SMAD1: variants seen among roughly 807,000 people sequenced by gnomAD.
SMAD1 encodes the protein SMAD family member 1, also known as MAD, mothers against decapentaplegic homolog 1.
SMAD1 carries 6 observed loss-of-function variants against 41.6 expected under a neutral mutation model. The ratio of observed to expected loss-of-function variants is 0.14; its 90% confidence interval spans 0.08 to 0.28. SMAD1 has a LOEUF of 0.28. Among genes scored for constraint, SMAD1 ranks in the 10% least tolerant of loss-of-function variants. SMAD1 has a pLI of 1.00. For synonymous variants in SMAD1, 206 were observed against 203.2 expected, an observed-to-expected ratio of 1.01 and a Z score of -0.12; for missense variants, 379 against 582.6, an observed-to-expected ratio of 0.65 and a Z score of 3.60.
chr4:145,538,388 T>C (rs1273293049), intron 2 of SMAD1, among the ~76,000 whole-genome samples: 1 of 152,186 alleles, frequency 6.6e-6, no homozygotes, highest in Non-Finnish European at 1.5e-5. Flanking sequence ...TATTATATAC[T>C]CAAAAGATTT....
At chr4:145,553,531 A>G (rs1217075171) in intron 5 of SMAD1, among the ~76,000 whole-genome samples, 1 of 152,062 alleles carries the variant, frequency 6.6e-6, no homozygotes, top group Non-Finnish European at 1.5e-5. Flanking sequence ...ATCTAACAGG[A>G]GGTGGAGCTC....
At chr4:145,496,829 C>A (rs917410563) in intron 1 of SMAD1, among the ~76,000 whole-genome samples, 4 of 152,168 alleles carry the variant, frequency 2.6e-5, no homozygotes, top group Non-Finnish European at 5.9e-5. Context: ...ACCACTTTCT[C>A]CCTTTGAAGT....
chr4:145,540,517 T>TAAA lies in SMAD1; in HGVS notation c.658+456_658+457insAAA, dbSNP rs1731864218. On this transcript the variant is annotated intron_variant, in intron 3 of 6. Coordinates refer to ENST00000302085, the MANE Select transcript of SMAD1 (RefSeq NM_005900.3). ...GATCCCACCCCCTACTTAATTAAAT[T>TAAA]CATTCAAATGATGATGTAATCCCAA... Among the ~76,000 whole-genome samples, 3 of 152,318 alleles carry TAAA rather than the reference T, an allele frequency of 2.0e-5. No individual in the cohort carries two copies. The South Asian group carries it at 6.2e-4, about 32-fold the overall frequency.
chr4:145,509,632 C>T (rs1729970818), intron 1 of SMAD1, among the ~76,000 whole-genome samples: 1 of 151,960 alleles, frequency 6.6e-6, no homozygotes, highest in Non-Finnish European at 1.5e-5. Flanking sequence ...AAATACACTC[C>T]CTCTATAAAT....
intron 1 of SMAD1, among the ~76,000 whole-genome samples, chr4:145,500,464 A>G (rs1410227760): frequency 6.6e-6 from 1 of 152,058 alleles, no homozygotes; most frequent in Non-Finnish European, 1.5e-5. Context: ...AAATGGCTCA[A>G]ATGGCTTTTG....
intron 5 of SMAD1, among the ~76,000 whole-genome samples, chr4:145,548,202 T>TTTTATTTA (rs377511852): frequency 3.1e-4 from 47 of 152,020 alleles, no homozygotes; most frequent in African/African-American, 9.6e-4. Flanking sequence ...TTTTACTTCA[T>TTTTATTTA]TTTATTTATT....
Position 145,546,930 on chromosome 4 carries a change from T to A in SMAD1, c.997+6T>A. ...CAGGCGGCATATTGGAAAAGGTGAG[T>A]TTTTGCTTTAACCTCTTTCAGATGT... On this transcript the variant is annotated splice_donor_region_variant and intron_variant, in intron 5 of 6. Coordinates refer to ENST00000302085, the MANE Select transcript of SMAD1 (RefSeq NM_005900.3). 1.2e-6 allele frequency: 2 copies of A among 1,610,626 alleles called. No individual in the cohort carries two copies. The highest frequency in any genetic ancestry group is 8.5e-7 in the Non-Finnish European group (1 of 1,176,902).
intron 1 of SMAD1, among the ~76,000 whole-genome samples, chr4:145,494,081 C>T (rs1338687887): frequency 2.0e-5 from 3 of 152,278 alleles, no homozygotes; most frequent in Admixed American, 6.5e-5. Flanking sequence ...CCTGCCTCAG[C>T]ATCCTGAGTA....
chr4:145,518,500 AAT>A (rs1361523419), intron 2 of SMAD1, among the ~76,000 whole-genome samples: 1,794 of 113,270 alleles, frequency 0.016, 199 homozygotes, highest in African/African-American at 0.05. Context: ...AAAAAAAAAA[AAT>A]AAAAATGTGC....
intron 1 of SMAD1, chr4:145,503,765 G>A (rs1318246893): frequency 1.3e-5 from 2 of 152,162 alleles, no homozygotes; most frequent in African/African-American, 4.8e-5. Flanking sequence ...GTCTGCTTGG[G>A]TTTTCTCTGG....
At chr4:145,528,606 T>C (rs895165032) in intron 2 of SMAD1, among the ~76,000 whole-genome samples, 5 of 152,208 alleles carry the variant, frequency 3.3e-5, no homozygotes, top group Admixed American at 3.3e-4. Flanking sequence ...GCATCAAATA[T>C]AAACTCAGAA....
intron 2 of SMAD1, among the ~76,000 whole-genome samples, chr4:145,525,179 A>G (rs974005911): frequency 1.3e-5 from 2 of 152,236 alleles, no homozygotes; most frequent in African/African-American, 4.8e-5. Flanking sequence ...CTTTGGTGCT[A>G]GATATCAAAA....
chr4:145,554,647 G>T (rs1732740243), intron 6 of SMAD1, among the ~76,000 whole-genome samples: 1 of 152,136 alleles, frequency 6.6e-6, no homozygotes, highest in Admixed American at 6.5e-5. Flanking sequence ...GAGGGAAGAG[G>T]TTAAAGACAT....
chr4:145,547,498 G>T (rs1578824689), intron 5 of SMAD1, among the ~76,000 whole-genome samples: 1 of 152,300 alleles, frequency 6.6e-6, no homozygotes, highest in East Asian at 1.9e-4. Flanking sequence ...AGTAAGTTAT[G>T]AATATAGTAA....
chr4:145,532,210 C>A (rs1731355943), intron 2 of SMAD1, among the ~76,000 whole-genome samples: 1 of 152,118 alleles, frequency 6.6e-6, no homozygotes, highest in African/African-American at 2.4e-5. Context: ...AGTTGGGTTT[C>A]CCTGTTGACT....
chr4:145,549,453 A>G (rs769689832), intron 5 of SMAD1, among the ~76,000 whole-genome samples: 2 of 152,102 alleles, frequency 1.3e-5, no homozygotes. Context: ...ACATACATAC[A>G]GACAGACACA....
chr4:145,490,130 A>G (rs1161701597), intron 1 of SMAD1, among the ~76,000 whole-genome samples: 2 of 152,216 alleles, frequency 1.3e-5, no homozygotes, highest in Non-Finnish European at 2.9e-5. Context: ...CTTGAATTTT[A>G]AGATAGATGA....
chr4:145,523,217 C>T (rs530386647), intron 2 of SMAD1, among the ~76,000 whole-genome samples: 12 of 152,272 alleles, frequency 7.9e-5, no homozygotes, highest in East Asian at 1.9e-4. Flanking sequence ...CATGTAATTA[C>T]AGCACTGTAT....
At chr4:145,531,096 A>G (rs1282546399) in intron 2 of SMAD1, among the ~76,000 whole-genome samples, 2 of 152,254 alleles carry the variant, frequency 1.3e-5, no homozygotes, top group Non-Finnish European at 2.9e-5. Context: ...CTCATCACCA[A>G]TAAGCAGACA....
Sources: allele counts gnomAD v4.1 joint callset (sites outside exome capture counted in the v4.1 genomes callset), GRCh38; gene constraint gnomAD v4.1.1; transcripts MANE v1.5; gene names NCBI Gene and HGNC (gene_info 2026-07-23, HGNC 2026-07-21).